The following MTNR1A variants were observed in gnomAD, a reference collection of about 807,000 sequenced individuals.
MTNR1A encodes the protein melatonin receptor type 1A.
MTNR1A carries 7 observed loss-of-function variants against 5.5 expected under a neutral mutation model. That is an observed-to-expected ratio of 1.28 (90% CI 0.73 to 2.40). The LOEUF is 2.40. Among genes scored for constraint, MTNR1A ranks in the 30% most tolerant of loss-of-function variants. The probability of loss-of-function intolerance (pLI) is 0.00; values close to 1 mark genes in which losing one functional copy is unlikely to be tolerated. For missense variants in MTNR1A, 441 were observed against 464.4 expected (o/e 0.95, Z 0.46); for synonymous variants, 196 against 202.7 (o/e 0.97, Z 0.28).
chr4:186,552,400 A>G (rs1323546959), intron 1 of MTNR1A, among the ~76,000 whole-genome samples: 1 of 152,208 alleles, frequency 6.6e-6, no homozygotes, highest in Non-Finnish European at 1.5e-5. Flanking sequence ...TACCTCAGTT[A>G]GATTGCCAGA....
chr4:186,554,393 A>C (rs1042064619), intron 1 of MTNR1A, among the ~76,000 whole-genome samples: 2 of 152,150 alleles, frequency 1.3e-5, no homozygotes, highest in Non-Finnish European at 2.9e-5. Context: ...GCCTCCAAAT[A>C]AAAAACTAGT....
chr4:186,555,154 G>A lies in MTNR1A; in HGVS notation c.184+28C>T, dbSNP rs1309595784. On this transcript the variant is annotated intron_variant, in intron 1 of 1. Coordinates refer to ENST00000307161, the MANE Select transcript of MTNR1A (RefSeq NM_005958.4). The surrounding 1 kb of genome is among the most constrained non-coding windows in gnomAD (Gnocchi z 4.1). ...GGAGAGGCGCTGCGTCCGGAGCGCTGGCCCAGGGGAGGCGGCGCGGGCCCT... is the reference window on the plus strand; with the variant it reads ...GGAGAGGCGCTGCGTCCGGAGCGCTAGCCCAGGGGAGGCGGCGCGGGCCCT... The A allele has an allele frequency of 6.3e-7, 1 of 1,578,956 alleles. No individual in the cohort carries two copies. The highest frequency in any genetic ancestry group is 8.6e-7 in the Non-Finnish European group (1 of 1,162,810).
intron 1 of MTNR1A, among the ~76,000 whole-genome samples, chr4:186,551,795 G>C (rs1264272264): frequency 6.6e-6 from 1 of 152,110 alleles, no homozygotes; most frequent in Non-Finnish European, 1.5e-5. Flanking sequence ...GAGTGGTAAT[G>C]CAGAATGAAT....
At chr4:186,540,289 C>G (rs1237541705) in intron 1 of MTNR1A, among the ~76,000 whole-genome samples, 4 of 152,230 alleles carry the variant, frequency 2.6e-5, no homozygotes, top group African/African-American at 9.6e-5. Context: ...ACAGTTGGCC[C>G]TGCAGACCCT....
At chr4:186,554,365 G>T (rs13147179) in intron 1 of MTNR1A, among the ~76,000 whole-genome samples, 1 of 151,918 alleles carries the variant, frequency 6.6e-6, no homozygotes, top group African/African-American at 2.4e-5. Context: ...TTCGTTCCCC[G>T]CCCCTTCTCC....
At position 186,555,316 on chromosome 4, in the gene MTNR1A, C is replaced by T; in HGVS notation, c.50G>A (p.Arg17His). The T allele has an allele frequency of 6.5e-7, 1 of 1,546,754 alleles. No homozygotes were observed. Among genetic ancestry groups the T allele is most frequent in the Non-Finnish European group, 8.7e-7 (1 of 1,145,814 alleles). Reference protein sequence around the residue: ...ALPNASQPVLRGDGARPSWLA... With the variant: ...ALPNASQPVLHGDGARPSWLA... ...CCACGAGGGCCGCGCGCCGTCCCCG[C>T]GGAGCACGGGCTGGGAGGCGTTGGG... Residue 17 changes from arginine (R) to histidine (H), a missense_variant, in exon 1 of 2, where the codon CGC becomes CAC. By Grantham distance (29) the Arg-to-His change is conservative. Transcript: ENST00000307161. The surrounding 1 kb of genome is among the most constrained non-coding windows in gnomAD (Gnocchi z 4.1).
At chr4:186,535,486 A>G (rs938757140) in intron 1 of MTNR1A, among the ~76,000 whole-genome samples, 5 of 151,884 alleles carry the variant, frequency 3.3e-5, no homozygotes, top group Non-Finnish European at 7.4e-5. Flanking sequence ...ACCTTGGCTC[A>G]CTGCAACCTC....
At chr4:186,542,095 C>T (rs116046559) in intron 1 of MTNR1A, among the ~76,000 whole-genome samples, 3,078 of 152,306 alleles carry the variant, frequency 0.02, 58 homozygotes, top group African/African-American at 0.049. Context: ...CATCAGATTA[C>T]TCCTCATGAA....
At chr4:186,544,469 C>A (rs1193778524) in intron 1 of MTNR1A, among the ~76,000 whole-genome samples, 1 of 152,218 alleles carries the variant, frequency 6.6e-6, no homozygotes, top group African/African-American at 2.4e-5. Context: ...AGAAATCCCA[C>A]ACTGCAATCC....
chr4:186,546,296 G>A (rs1737140098), intron 1 of MTNR1A, among the ~76,000 whole-genome samples: 1 of 151,938 alleles, frequency 6.6e-6, no homozygotes, highest in Non-Finnish European at 1.5e-5. Flanking sequence ...AATGGAACAG[G>A]GGTCTCTCCA....
chr4:186,549,226 A>AAGAGTTTTATG (rs76036229), intron 1 of MTNR1A, among the ~76,000 whole-genome samples: 1 of 152,104 alleles, frequency 6.6e-6, no homozygotes, highest in African/African-American at 2.4e-5. Context: ...CCAAGAACAT[A>AAGAGTTTTATG]TTCCTAAATA....
At chr4:186,538,255 G>A (rs1268450481) in intron 1 of MTNR1A, among the ~76,000 whole-genome samples, 3 of 152,346 alleles carry the variant, frequency 2.0e-5, no homozygotes, top group Non-Finnish European at 4.4e-5. Context: ...CTGGCCGAGG[G>A]TTAATCGATG....
intron 1 of MTNR1A, among the ~76,000 whole-genome samples, chr4:186,553,632 C>T (rs769293368): frequency 2.0e-5 from 3 of 152,352 alleles, no homozygotes; most frequent in Admixed American, 6.5e-5. Flanking sequence ...CTGCCTCAGG[C>T]TTCCAAGTAG....
At chr4:186,546,669 C>A (rs1737151826) in intron 1 of MTNR1A, among the ~76,000 whole-genome samples, 1 of 151,574 alleles carries the variant, frequency 6.6e-6, no homozygotes, top group Non-Finnish European at 1.5e-5. Flanking sequence ...CCACATCACA[C>A]CCTGTTCATG....
chr4:186,552,824 A>G (rs1287929171), intron 1 of MTNR1A, among the ~76,000 whole-genome samples: 1 of 152,228 alleles, frequency 6.6e-6, no homozygotes, highest in Admixed American at 6.5e-5. Context: ...AAATTTACTC[A>G]GAAGATATGA....
chr4:186,537,768 G>A (rs572182887), intron 1 of MTNR1A, among the ~76,000 whole-genome samples: 15 of 152,224 alleles, frequency 9.9e-5, no homozygotes, highest in Non-Finnish European at 1.5e-4. Flanking sequence ...CTACAGATAC[G>A]AGACTCAGAA....
chr4:186,547,677 G>C (rs1160330798), intron 1 of MTNR1A, among the ~76,000 whole-genome samples: 1 of 152,196 alleles, frequency 6.6e-6, no homozygotes, highest in East Asian at 1.9e-4. Flanking sequence ...GACTGCTGCT[G>C]TAGAGAAAAC....
In MTNR1A at chr4:186,534,510, T is replaced by C; in HGVS notation, c.232A>G (p.Ile78Val). The C allele has an allele frequency of 6.2e-7, 1 of 1,613,942 alleles. No homozygotes were observed. The highest frequency in any genetic ancestry group is 1.1e-5 in the South Asian group (1 of 91,086). Residue 78 changes from isoleucine (I) to valine (V), a missense_variant, in exon 2 of 2, where the codon ATT becomes GTT. By Grantham distance (29) the Ile-to-Val change is conservative (BLOSUM62 3). Coordinates refer to ENST00000307161, the MANE Select transcript of MTNR1A (RefSeq NM_005958.4). ...ATCAGCACCAACGGGTACGGATAAA[T>C]GGCCACCACCAGGTCTGCCACCGCT... The part of the protein sequence containing the change: ...SLAVADLVVA[I>V]YPYPLVLMSI...
chr4:186,547,524 C>A (rs1737180206), intron 1 of MTNR1A, among the ~76,000 whole-genome samples: 1 of 152,218 alleles, frequency 6.6e-6, no homozygotes, highest in Non-Finnish European at 1.5e-5. Context: ...TCATGGTACT[C>A]GCGGTTGTCT....
Sources: allele counts gnomAD v4.1 joint callset (sites outside exome capture counted in the v4.1 genomes callset), GRCh38; gene constraint gnomAD v4.1.1; non-coding constraint Gnocchi (gnomAD v3.1); transcripts MANE v1.5; gene names NCBI Gene and HGNC (gene_info 2026-07-23, HGNC 2026-07-21).